The following SLCO5A1 variants were observed in gnomAD, a reference collection of about 807,000 sequenced individuals.
SLCO5A1 encodes solute carrier organic anion transporter family member 5A1.
Under a neutral mutation model 65.1 loss-of-function variants are expected in SLCO5A1, and 39 were observed. The observed-to-expected ratio is 0.60, with a 90% CI of 0.46 to 0.78. SLCO5A1 has a LOEUF of 0.78. Among genes scored for constraint, SLCO5A1 ranks in the 30% least tolerant of loss-of-function variants. The pLI, the probability that SLCO5A1 is intolerant of heterozygous loss-of-function variation, is 0.00. For synonymous variants in SLCO5A1, 438 were observed against 415.7 expected (o/e 1.05, Z -0.65); for missense variants, 1,029 against 1,069.4 (o/e 0.96, Z 0.53).
intron 6 of SLCO5A1, among the ~76,000 whole-genome samples, chr8:69,701,927 A>G (rs1345515044): frequency 6.6e-6 from 1 of 152,242 alleles, no homozygotes; most frequent in African/African-American, 2.4e-5. Context: ...GGATTTGACC[A>G]CAATTTGTAA....
chr8:69,831,649 T>G, intron 2 of SLCO5A1, 118 bp downstream of exon 2: 1 of 1,128,780 alleles, frequency 8.9e-7, no homozygotes, highest in Non-Finnish European at 1.2e-6. Context: ...TAAAATAAAG[T>G]GAACTTTAAT....
intron 2 of SLCO5A1, chr8:69,793,993 A>G: frequency 5.9e-6 from 1 of 169,328 alleles, no homozygotes; most frequent in Non-Finnish European, 1.2e-5. Flanking sequence ...ATGCAGATGG[A>G]GAAACCAGGG....
intron 2 of SLCO5A1, among the ~76,000 whole-genome samples, chr8:69,825,195 G>A (rs1324717507): frequency 1.3e-5 from 2 of 152,160 alleles, no homozygotes; most frequent in Admixed American, 6.5e-5. Flanking sequence ...AAAACTGGAA[G>A]CATTCCCTTT....
chr8:69,714,073 C>CTA (rs1291030744), intron 5 of SLCO5A1, among the ~76,000 whole-genome samples: 1 of 152,234 alleles, frequency 6.6e-6, no homozygotes, highest in Non-Finnish European at 1.5e-5. Context: ...TTCTCACAAA[C>CTA]TATAAATGAC....
At chr8:69,771,510 CTTTAT>C (rs1390568137) in intron 2 of SLCO5A1, among the ~76,000 whole-genome samples, 5 of 152,184 alleles carry the variant, frequency 3.3e-5, no homozygotes, top group African/African-American at 1.2e-4. Context: ...CTTAATTTTA[CTTTAT>C]TTTTAGTGTT....
intron 2 of SLCO5A1, among the ~76,000 whole-genome samples, chr8:69,776,635 A>G (rs1418549602): frequency 2.0e-5 from 3 of 152,118 alleles, no homozygotes; most frequent in Non-Finnish European, 4.4e-5. Context: ...GGCTGCAGTG[A>G]GCCGTGATCA....
intron 2 of SLCO5A1, among the ~76,000 whole-genome samples, chr8:69,814,974 A>T (rs568994608): frequency 6.6e-6 from 1 of 152,212 alleles, no homozygotes; most frequent in Non-Finnish European, 1.5e-5. Flanking sequence ...TCAAACTCAT[A>T]GAAGCAGAGA....
At chr8:69,789,149 T>C (rs1349447206) in intron 2 of SLCO5A1, among the ~76,000 whole-genome samples, 2 of 152,206 alleles carry the variant, frequency 1.3e-5, no homozygotes, top group African/African-American at 4.8e-5. Context: ...GACACAACAC[T>C]GTGCCTCTTG....
intron 2 of SLCO5A1, among the ~76,000 whole-genome samples, chr8:69,813,393 T>C (rs1820285334): frequency 3.9e-5 from 6 of 152,198 alleles, no homozygotes; most frequent in Admixed American, 3.9e-4. Context: ...AGAATATTAA[T>C]TACATAAATA....
chr8:69,770,550 C>G (rs1021290237), intron 2 of SLCO5A1, among the ~76,000 whole-genome samples: 5 of 152,174 alleles, frequency 3.3e-5, no homozygotes, highest in Non-Finnish European at 5.9e-5. Flanking sequence ...ATTCCCAGCT[C>G]AGCTGTGTAC....
In SLCO5A1 at chr8:69,667,618, A is replaced by G. The variant is rs1174205703; in HGVS notation, c.*5251T>C. The stretch of plus-strand genomic sequence containing the variant: ...TGTCCCTGCAATTACTTTAGTTTCA[A>G]TAATATTTTCTCCTTCAATTTTAAC... On this transcript the variant is annotated 3_prime_UTR_variant, in exon 10 of 10. Transcript: ENST00000260126. 3.9e-5 allele frequency: 6 copies of G among 152,198 alleles called. No individual in the cohort carries two copies. Among genetic ancestry groups the G allele is most frequent in the Non-Finnish European group, 8.8e-5 (6 of 68,038 alleles). The allele number at this position is 152,198 out of a possible 1,614,324, so 9.4% of individuals were successfully genotyped here.
chr8:69,748,153 C>T (rs559868913), intron 4 of SLCO5A1, among the ~76,000 whole-genome samples: 5 of 152,258 alleles, frequency 3.3e-5, no homozygotes, highest in South Asian at 4.1e-4. Context: ...GACACTAGCA[C>T]GCCACAGTCA....
intron 2 of SLCO5A1, among the ~76,000 whole-genome samples, chr8:69,790,516 T>A (rs2130891886): frequency 6.6e-6 from 1 of 152,206 alleles, no homozygotes; most frequent in East Asian, 1.9e-4. Flanking sequence ...GGCACACACG[T>A]GTAGTCCCAG....
chr8:69,772,863 T>C (rs1018810753), intron 2 of SLCO5A1: 3 of 930,180 alleles, frequency 3.2e-6, no homozygotes, highest in Non-Finnish European at 3.8e-6. Flanking sequence ...GAGGGCTCAC[T>C]GCAAAGGTGA....
At chr8:69,741,298 A>G (rs1419625799) in intron 4 of SLCO5A1, among the ~76,000 whole-genome samples, 1 of 152,226 alleles carries the variant, frequency 6.6e-6, no homozygotes, top group African/African-American at 2.4e-5. Context: ...CATAAGTTCA[A>G]TGATAATGAA....
At chr8:69,679,262 G>T in intron 8 of SLCO5A1, 116 bp downstream of exon 8, 1 of 1,426,690 alleles carries the variant, frequency 7.0e-7, no homozygotes, top group South Asian at 1.3e-5. Flanking sequence ...GCGCCCTCCT[G>T]CACATGCTAA....
At chr8:69,739,603 C>A (rs1302091609) in intron 4 of SLCO5A1, among the ~76,000 whole-genome samples, 6 of 151,976 alleles carry the variant, frequency 3.9e-5, no homozygotes, top group Non-Finnish European at 8.8e-5. Context: ...CTCCTGTTGA[C>A]CAAAATTTGA....
intron 5 of SLCO5A1, among the ~76,000 whole-genome samples, chr8:69,706,789 A>G (rs1013809658): frequency 6.6e-6 from 1 of 152,214 alleles, no homozygotes; most frequent in African/African-American, 2.4e-5. Context: ...CACAGTGTTA[A>G]CTTTATAATT....
At position 69,825,183 on chromosome 8, in the gene SLCO5A1, C is replaced by A. The variant is rs536706820; in HGVS notation, c.907+6584G>T. 9.6e-3 allele frequency among the ~76,000 whole-genome samples: 1,460 copies of A among 152,234 alleles called. 21 individuals carry two copies. The highest frequency in any genetic ancestry group is 0.033 in the African/African-American group (1,361 of 41,522). On this transcript the variant is annotated intron_variant, in intron 2 of 9. Transcript: ENST00000260126. ...CACAGCCAATATCATACTGAATGGGCAAAAACTGGAAGCATTCCCTTTGAA... is the reference window on the plus strand; with the variant it reads ...CACAGCCAATATCATACTGAATGGGAAAAAACTGGAAGCATTCCCTTTGAA...
Sources: gnomAD v4.1 joint callset for allele counts (sites outside exome capture counted in the v4.1 genomes callset) on GRCh38, gnomAD v4.1.1 for gene constraint, MANE v1.5 for transcripts, NCBI Gene and HGNC (gene_info 2026-07-23, HGNC 2026-07-21) for gene names.